The following MTG1 variants were observed in gnomAD, a reference collection of about 807,000 sequenced individuals.
MTG1 encodes mitochondrial ribosome associated GTPase 1.
In MTG1, 30 loss-of-function variants were observed where a neutral mutation model predicts 39.5. That is an observed-to-expected ratio of 0.76 (90% CI 0.57 to 1.03). MTG1 has a LOEUF of 1.03. Ranked by LOEUF, MTG1 falls within the 50% of genes least tolerant of loss-of-function variation. The probability of loss-of-function intolerance (pLI) is 0.00; values close to 1 mark genes in which losing one functional copy is unlikely to be tolerated. For synonymous variants in MTG1, 217 were observed against 179.0 expected (o/e 1.21, Z -1.69); for missense variants, 513 against 447.4 (o/e 1.15, Z -1.32).
intron 4 of MTG1, 135 bp downstream of exon 4, chr10:133,398,650 C>A: frequency 1.0e-6 from 1 of 959,626 alleles, no homozygotes; most frequent in Non-Finnish European, 1.5e-6. Flanking sequence ...CTGCCACACA[C>A]GGATGCGATC....
At position 133,417,832 on chromosome 10, in the gene MTG1, T is replaced by C. The variant is rs200974871; in HGVS notation, c.753-1648T>C. ...CAACTTACAAGGGACGTGAAGGACC[T>C]CTTCAAGGAGAACTACAAACCACTG... On this transcript the variant is annotated intron_variant, in intron 9 of 10. Coordinates refer to ENST00000317502, the MANE Select transcript of MTG1 (RefSeq NM_138384.4). Among the ~76,000 whole-genome samples, 629 of 152,248 alleles carry C rather than the reference T, an allele frequency of 4.1e-3. 4 individuals are homozygous for C. Among genetic ancestry groups the C allele is most frequent in the Middle Eastern group, 0.024 (7 of 294 alleles).
intron 9 of MTG1, among the ~76,000 whole-genome samples, chr10:133,407,960 G>GT (rs1849991941): frequency 1.3e-5 from 2 of 152,252 alleles, no homozygotes; most frequent in South Asian, 2.1e-4. Flanking sequence ...AGTTCTAATA[G>GT]TTTTTTGGTG....
At chr10:133,405,569 C>T (rs1021807470) in intron 9 of MTG1, among the ~76,000 whole-genome samples, 3 of 152,220 alleles carry the variant, frequency 2.0e-5, no homozygotes, top group Non-Finnish European at 4.4e-5. Flanking sequence ...TTAGCTCCCA[C>T]ATTTGAGTTA....
At chr10:133,394,636 C>T (rs1347156401) in intron 1 of MTG1, 2 of 1,235,228 alleles carry the variant, frequency 1.6e-6, no homozygotes, top group African/African-American at 1.6e-5. Context: ...CAGCAAGTTC[C>T]TTCTGCCCTT....
At chr10:133,401,160 C>T (rs1422755772) in intron 6 of MTG1, among the ~76,000 whole-genome samples, 3 of 152,134 alleles carry the variant, frequency 2.0e-5, no homozygotes, top group African/African-American at 7.2e-5. Flanking sequence ...TGGGGGACTG[C>T]GTGGAAGGAG....
chr10:133,396,687 A>G (rs1317426131), intron 3 of MTG1, among the ~76,000 whole-genome samples: 6 of 152,246 alleles, frequency 3.9e-5, no homozygotes, highest in South Asian at 2.1e-4. Context: ...ATTACTAATC[A>G]TTAGTTTGTA....
rs775525304 is a variant in MTG1, at chr10:133,396,283, T to C, written c.282+16T>C. ...AGAGCAGCAGGTAAAGGCCTTTCTC[T>C]CAGACGCCTTCAGCAGTGTGGCTGT... On this transcript the variant is annotated intron_variant, in intron 3 of 10. Coordinates refer to ENST00000317502, the MANE Select transcript of MTG1 (RefSeq NM_138384.4). 9 of 1,596,798 alleles carry C rather than the reference T, an allele frequency of 5.6e-6. No individual in the cohort carries two copies. In the East Asian group the frequency reaches 1.8e-4, roughly 32 times the overall value.
intron 9 of MTG1, among the ~76,000 whole-genome samples, chr10:133,415,229 C>T (rs553955668): frequency 5.9e-5 from 9 of 152,056 alleles, no homozygotes; most frequent in South Asian, 2.1e-4. Flanking sequence ...CGGGAGCGGG[C>T]GCCCCTGTTT....
chr10:133,408,061 CT>C (rs1203899780), intron 9 of MTG1, among the ~76,000 whole-genome samples: 1 of 152,180 alleles, frequency 6.6e-6, no homozygotes, highest in African/African-American at 2.4e-5. Flanking sequence ...ACTGTTATTT[CT>C]TTCTCTTGCC....
At chr10:133,404,024 C>G (rs1227267009) in intron 9 of MTG1, among the ~76,000 whole-genome samples, 1 of 149,862 alleles carries the variant, frequency 6.7e-6, no homozygotes, top group South Asian at 2.1e-4. Flanking sequence ...TGAGCATCTT[C>G]ATGTGCTTAT....
chr10:133,419,873 A>C (rs1370989664), intron 10 of MTG1, among the ~76,000 whole-genome samples, 153 bp from the exon 11 acceptor site: 1 of 152,102 alleles, frequency 6.6e-6, no homozygotes, highest in African/African-American at 2.4e-5. Context: ...CGGGCAGCGT[A>C]GCTCAAGCTG....
intron 7 of MTG1, 51 bp downstream of exon 7, chr10:133,401,641 G>GTCTGGCACCTGCCGACC (rs756499637): frequency 6.3e-7 from 1 of 1,577,146 alleles, no homozygotes; most frequent in African/African-American, 1.3e-5. Context: ...CTCTGCAGGC[G>GTCTGGCACCTGCCGACC]TCTGGCACCT....
chr10:133,402,751 C>G lies in MTG1; in HGVS notation c.730C>G (p.Leu244Val). Residue 244 changes from leucine to valine, a missense_variant, in exon 9 of 11, where the codon CTC (leucine) becomes GTC (valine). Transcript: ENST00000317502. The surrounding 1 kb of genome is among the most constrained non-coding windows in gnomAD (Gnocchi z 4.7). ...ETMADYLLYT[L>V]NKHQRFGYVQ... ...CATGGCTGACTACCTGCTGTACACC[C>G]TCAACAAACACCAGCGCTTTGGGTG... The G allele has an allele frequency of 6.2e-7, 1 of 1,607,608 alleles. No individual in the cohort carries two copies. Among genetic ancestry groups the G allele is most frequent in the Non-Finnish European group, 8.5e-7 (1 of 1,177,364 alleles).
chr10:133,402,573 G>T lies in MTG1; in HGVS notation c.671-119G>T. The T allele has an allele frequency of 1.1e-6, 1 of 924,748 alleles. No individual in the cohort carries two copies. Among genetic ancestry groups the T allele is most frequent in the Non-Finnish European group, 1.7e-6 (1 of 605,162 alleles). The allele number at this position is 924,748 out of a possible 1,614,324, so 57.3% of individuals were successfully genotyped here. A position where few individuals can be genotyped will look rare whatever the true frequency, so the allele number is the denominator to read the frequency against. Reference sequence around the variant, plus strand: ...CTCTTGGTTAGTGTCTTTGTCAGTGGCTGGCCTCTTCCTCACGGCACGGTG... The same window carrying T: ...CTCTTGGTTAGTGTCTTTGTCAGTGTCTGGCCTCTTCCTCACGGCACGGTG... On this transcript the variant is annotated intron_variant, in intron 8 of 10. Coordinates refer to ENST00000317502, the MANE Select transcript of MTG1 (RefSeq NM_138384.4). The surrounding 1 kb of genome is among the most constrained non-coding windows in gnomAD (Gnocchi z 4.7).
rs1230723835 is a variant in MTG1, at chr10:133,421,193, TC to T, written c.*1029del. 2 of 152,318 alleles carry T rather than the reference TC, an allele frequency of 1.3e-5. No individual in the cohort carries two copies. Among genetic ancestry groups the T allele is most frequent in the Non-Finnish European group, 2.9e-5 (2 of 68,162 alleles). 9.4% of individuals were successfully genotyped at this position (152,318 alleles called of 1,614,324 possible). A position where few individuals can be genotyped will look rare whatever the true frequency, so the allele number is the denominator to read the frequency against. On this transcript the variant is annotated 3_prime_UTR_variant, in exon 11 of 11. Transcript: ENST00000317502. The stretch of plus-strand genomic sequence containing the variant: ...CTCTGCTGCCCCATACCCCACACAC[TC>T]ATCAGCCTGAAGTTAGCCCCTGAGT...
At chr10:133,407,498 C>T (rs926823225) in intron 9 of MTG1, among the ~76,000 whole-genome samples, 4 of 151,210 alleles carry the variant, frequency 2.6e-5, no homozygotes, top group African/African-American at 4.8e-5. Flanking sequence ...AGAGATCTTC[C>T]ACTTCTTTGG....
intron 10 of MTG1, 151 bp from the exon 11 acceptor site, chr10:133,419,875 C>G: frequency 1.0e-6 from 1 of 988,282 alleles, no homozygotes; most frequent in South Asian, 1.7e-5. Flanking sequence ...GGCAGCGTAG[C>G]TCAAGCTGTT....
In MTG1 at chr10:133,402,353, T is replaced by C; in HGVS notation, c.670+108T>C. 1 of 1,302,998 alleles carries C rather than the reference T, an allele frequency of 7.7e-7. No homozygotes were observed. Among genetic ancestry groups the C allele is most frequent in the East Asian group, 2.3e-5 (1 of 43,078 alleles). The allele number at this position is 1,302,998 out of a possible 1,614,324, so 80.7% of individuals were successfully genotyped here. A position where few individuals can be genotyped will look rare whatever the true frequency, so the allele number is the denominator to read the frequency against. ...CCCTAGACGGGAGTTGTTACTGCCT[T>C]TGACCTGGTTGCTGCCAGACCTTCC... is the stretch of plus-strand genomic sequence containing the variant. On this transcript the variant is annotated intron_variant, in intron 8 of 10. Coordinates refer to ENST00000317502, the MANE Select transcript of MTG1 (RefSeq NM_138384.4). This position sits in a 1 kb window ranked among gnomAD's most constrained non-coding sequence, Gnocchi z 4.7.
At chr10:133,398,400 A>G in intron 3 of MTG1, 35 bp from the exon 4 acceptor site, 4 of 1,604,024 alleles carry the variant, frequency 2.5e-6, no homozygotes, top group Non-Finnish European at 3.4e-6. Context: ...GACTCCAGTA[A>G]AAAAAGTAAC....
Sources: gnomAD v4.1 joint callset for allele counts (sites outside exome capture counted in the v4.1 genomes callset) on GRCh38, gnomAD v4.1.1 for gene constraint, Gnocchi (gnomAD v3.1) non-coding constraint, MANE v1.5 for transcripts, NCBI Gene and HGNC (gene_info 2026-07-23, HGNC 2026-07-21) for gene names.